Variants in CFAP300 observed in about 807,000 individuals in gnomAD.
CFAP300 encodes cilia and flagella associated protein 300, also known as cilia- and flagella-associated protein 300.
CFAP300 carries 32 observed loss-of-function variants against 33.0 expected under a neutral mutation model. The observed-to-expected ratio is 0.97, with a 90% CI of 0.73 to 1.30. The LOEUF (loss-of-function observed/expected upper bound fraction) is 1.30. CFAP300 is among the 50% of genes most tolerant of loss of function. The pLI is 0.00. For missense variants in CFAP300, 356 were observed against 318.1 expected (o/e 1.12, Z -0.90); for synonymous variants, 102 against 106.8 (o/e 0.95, Z 0.28).
intron 2 of CFAP300, among the ~76,000 whole-genome samples, chr11:102,057,406 G>A (rs1460738081): frequency 1.3e-5 from 2 of 149,702 alleles, no homozygotes; most frequent in Non-Finnish European, 3.0e-5. Flanking sequence ...AAGCTGAAAA[G>A]GCAGAAGAAA....
intron 2 of CFAP300, among the ~76,000 whole-genome samples, chr11:102,049,044 T>G (rs1591311942): frequency 6.6e-6 from 1 of 151,992 alleles, no homozygotes; most frequent in Non-Finnish European, 1.5e-5. Flanking sequence ...CTACAATAAA[T>G]GAAAAAACAA....
At chr11:102,052,802 C>T (rs1459131918) in intron 2 of CFAP300, among the ~76,000 whole-genome samples, 1 of 152,232 alleles carries the variant, frequency 6.6e-6, no homozygotes, top group Non-Finnish European at 1.5e-5. Context: ...GACATCAGCT[C>T]TTCCATGATT....
intron 5 of CFAP300, among the ~76,000 whole-genome samples, chr11:102,080,419 T>C (rs1295340544): frequency 2.0e-5 from 3 of 152,060 alleles, no homozygotes; most frequent in African/African-American, 7.2e-5. Context: ...ATTTGTTTGT[T>C]TGTTTGTTTG....
chr11:102,048,007 G>T (rs1941910593), intron 2 of CFAP300, 111 bp downstream of exon 2: 3 of 977,552 alleles, frequency 3.1e-6, no homozygotes, highest in Middle Eastern at 4.4e-4. Flanking sequence ...TCGTTTTCTT[G>T]GCGTTTGGGA....
chr11:102,047,535 T>C lies in CFAP300; in HGVS notation c.65T>C (p.Phe22Ser). The C allele has an allele frequency of 6.5e-7, 1 of 1,535,962 alleles. No individual in the cohort carries two copies. The highest frequency in any genetic ancestry group is 8.7e-7 in the Non-Finnish European group (1 of 1,146,798). ...YYFRFLPQKT[F>S]QSLSSKEITS... Reference sequence around the variant, plus strand: ...TTCAGGTTCTTGCCTCAGAAAACCTTCCAGTCTCTGAGCTCTAAGGAGATC... The same window carrying C: ...TTCAGGTTCTTGCCTCAGAAAACCTCCCAGTCTCTGAGCTCTAAGGAGATC... Residue 22 changes from phenylalanine (F) to serine (S), a missense_variant, in exon 1 of 7, where the codon TTC becomes TCC. Phe to Ser is a radical substitution (Grantham distance 155). Transcript: ENST00000434758.
chr11:102,047,904 TG>T lies in CFAP300; in HGVS notation c.192+13del. ...AAGGATGATTTCGTTATGGTTAGTATGGGGGTCGGAGAGTTCCCTGGGTCTC... is the reference window on the plus strand; with the variant it reads ...AAGGATGATTTCGTTATGGTTAGTATGGGGTCGGAGAGTTCCCTGGGTCTC... On this transcript the variant is annotated intron_variant, in intron 2 of 6. Transcript: ENST00000434758. 6.2e-6 allele frequency: 10 copies of T among 1,613,976 alleles called. No individual in the cohort carries two copies. The highest frequency in any genetic ancestry group is 8.5e-6 in the Non-Finnish European group (10 of 1,179,908).
chr11:102,081,261 G>A lies in CFAP300; in HGVS notation c.655G>A (p.Val219Ile). 6.2e-7 allele frequency: 1 copy of A among 1,611,792 alleles called. No homozygotes were observed. The change falls in exon 6 of 7, where the codon GTC becomes ATC. Residue 219 changes from valine (V) to isoleucine (I), a missense_variant. Coordinates refer to ENST00000434758, the MANE Select transcript of CFAP300 (RefSeq NM_032930.3). Reference protein sequence around the residue: ...QTKKIQITSSVFKVSAYDSAG... With the variant: ...QTKKIQITSSIFKVSAYDSAG... ...CAAGAAAATACAGATTACCTCTTCT[G>A]TCTTTAAAGTTTCAGCTTATGTAAG...
intron 3 of CFAP300, among the ~76,000 whole-genome samples, chr11:102,065,708 G>C (rs1181339289): frequency 2.0e-5 from 3 of 151,488 alleles, no homozygotes; most frequent in South Asian, 4.2e-4. Context: ...CAGGGGTTGT[G>C]GTGAGCCGAG....
chr11:102,077,590 G>C (rs1370523967), intron 5 of CFAP300, among the ~76,000 whole-genome samples: 1 of 152,026 alleles, frequency 6.6e-6, no homozygotes, highest in Admixed American at 6.5e-5. Flanking sequence ...TATTTTTTGA[G>C]ACGGAGTCTC....
chr11:102,062,240 G>A (rs1424346674), intron 3 of CFAP300, among the ~76,000 whole-genome samples: 2 of 152,184 alleles, frequency 1.3e-5, no homozygotes, highest in Non-Finnish European at 2.9e-5. Context: ...CTAAAACTTT[G>A]AGAAATACAT....
At chr11:102,068,178 T>C (rs1344025062) in intron 4 of CFAP300, among the ~76,000 whole-genome samples, 5 of 151,860 alleles carry the variant, frequency 3.3e-5, no homozygotes, top group Non-Finnish European at 1.5e-5. Context: ...TAACAACTAC[T>C]ATTAATTACT....
At chr11:102,065,360 C>T (rs985119599) in intron 3 of CFAP300, among the ~76,000 whole-genome samples, 2 of 152,034 alleles carry the variant, frequency 1.3e-5, no homozygotes, top group African/African-American at 4.8e-5. Flanking sequence ...CCTGCCTCGG[C>T]TGTCCATAGT....
At chr11:102,077,917 G>T (rs1397815430) in intron 5 of CFAP300, among the ~76,000 whole-genome samples, 2 of 151,652 alleles carry the variant, frequency 1.3e-5, no homozygotes, top group East Asian at 1.9e-4. Context: ...TTGAGACAGG[G>T]TCTCACTCTG....
intron 4 of CFAP300, among the ~76,000 whole-genome samples, chr11:102,073,961 G>A (rs1452892907): frequency 6.6e-6 from 1 of 152,108 alleles, no homozygotes; most frequent in Non-Finnish European, 1.5e-5. Context: ...GCGGCCCCAG[G>A]TAAGTGGGTT....
intron 2 of CFAP300, among the ~76,000 whole-genome samples, chr11:102,049,334 C>A (rs1941934555): frequency 6.6e-6 from 1 of 152,196 alleles, no homozygotes; most frequent in South Asian, 2.1e-4. Context: ...CATATGTCTG[C>A]ATCTCTTCTT....
Position 102,047,848 on chromosome 11 carries a change from C to A in CFAP300, c.144C>A (p.Phe48Leu). 1 of 1,614,158 alleles carries A rather than the reference C, an allele frequency of 6.2e-7. No individual in the cohort carries two copies. The highest frequency in any genetic ancestry group is 1.1e-5 in the South Asian group (1 of 91,066). ...SMLGRIKAQAFGFDQTFQSYR... is the reference protein window; with the variant it reads ...SMLGRIKAQALGFDQTFQSYR... Reference sequence around the variant, plus strand: ...TGGGCAGAATCAAGGCGCAGGCGTTCGGCTTTGACCAGACCTTTCAGTCCT... The same window carrying A: ...TGGGCAGAATCAAGGCGCAGGCGTTAGGCTTTGACCAGACCTTTCAGTCCT... Residue 48 changes from phenylalanine (F) to leucine (L), a missense_variant, in exon 2 of 7, where the codon TTC (phenylalanine) becomes TTA (leucine). Physicochemically the swap from Phe to Leu is conservative, Grantham distance 22. Coordinates refer to ENST00000434758, the MANE Select transcript of CFAP300 (RefSeq NM_032930.3).
At chr11:102,067,599 A>G (rs535290761) in intron 4 of CFAP300, among the ~76,000 whole-genome samples, 1 of 152,344 alleles carries the variant, frequency 6.6e-6, no homozygotes, top group South Asian at 2.1e-4. Context: ...TCTATACAAC[A>G]TGAAGATGAA....
intron 4 of CFAP300, among the ~76,000 whole-genome samples, chr11:102,069,317 A>G (rs1039711724): frequency 6.6e-6 from 1 of 152,178 alleles, no homozygotes; most frequent in Non-Finnish European, 1.5e-5. Context: ...GTGCAGCACT[A>G]CAGATTGTAT....
chr11:102,055,774 T>G (rs1384024952), intron 2 of CFAP300, among the ~76,000 whole-genome samples: 4 of 141,438 alleles, frequency 2.8e-5, no homozygotes, highest in African/African-American at 8.0e-5. Flanking sequence ...CCGGGTTCAC[T>G]CCATTCTCCT....
Sources: allele counts gnomAD v4.1 joint callset (sites outside exome capture counted in the v4.1 genomes callset), GRCh38; gene constraint gnomAD v4.1.1; transcripts MANE v1.5; gene names NCBI Gene and HGNC (gene_info 2026-07-23, HGNC 2026-07-21).